The following SGCD variants were observed in gnomAD, a reference collection of about 807,000 sequenced individuals.
SGCD encodes the protein delta-sarcoglycan.
A neutral mutation model predicts 36.6 loss-of-function variants in SGCD; 18 were observed. The ratio of observed to expected loss-of-function variants is 0.49; its 90% CI spans 0.34 to 0.73. SGCD has a LOEUF of 0.73. Among genes scored for constraint, SGCD ranks in the 30% least tolerant of loss-of-function variants. The pLI is 0.01. For missense variants in SGCD, 387 were observed against 346.7 expected (o/e 1.12, Z -0.92); for synonymous variants, 133 against 130.6 (o/e 1.02, Z -0.12).
intron 3 of SGCD, among the ~76,000 whole-genome samples, chr5:156,403,364 A>T (rs1314006497): frequency 6.6e-6 from 1 of 152,166 alleles, no homozygotes; most frequent in Non-Finnish European, 1.5e-5. Flanking sequence ...GCGGTCTATT[A>T]AGGTTGAGCA....
intron 3 of SGCD, among the ~76,000 whole-genome samples, chr5:156,355,833 C>T (rs1255496405): frequency 4.6e-5 from 7 of 152,160 alleles, no homozygotes; most frequent in South Asian, 2.1e-4. Flanking sequence ...GATGGGGTTT[C>T]GCCATGCTGG....
intron 1 of SGCD, among the ~76,000 whole-genome samples, chr5:155,997,570 A>AT (rs1272797194): frequency 6.6e-6 from 1 of 152,234 alleles, no homozygotes; most frequent in Non-Finnish European, 1.5e-5. Flanking sequence ...TGGATGGGAC[A>AT]TTGTTCCTCT....
At chr5:156,400,939 T>A (rs765632421) in intron 3 of SGCD, among the ~76,000 whole-genome samples, 2 of 152,196 alleles carry the variant, frequency 1.3e-5, no homozygotes, top group Non-Finnish European at 2.9e-5. Flanking sequence ...AATGGCAGAG[T>A]GTCTGTAGGA....
intron 1 of SGCD, among the ~76,000 whole-genome samples, chr5:155,880,899 A>G (rs529893639): frequency 1.3e-5 from 2 of 152,154 alleles, no homozygotes; most frequent in East Asian, 3.9e-4. Flanking sequence ...TCAAAATTTT[A>G]CTTCCATTTG....
rs754437479 is a variant in SGCD at position 156,009,969 on chromosome 5, G to A, written c.-281-107909G>A. ...CAGTTTTCTTTGTAGACTCAAACACGTTTTGGCAAATTTTTCTCTTTAATG... is the reference window on the plus strand; with the variant it reads ...CAGTTTTCTTTGTAGACTCAAACACATTTTGGCAAATTTTTCTCTTTAATG... On this transcript the variant is annotated intron_variant, in intron 1 of 9. Coordinates refer to the SGCD transcript ENST00000517913. 2.6e-5 allele frequency among the ~76,000 whole-genome samples: 4 copies of A among 152,260 alleles called. No individual in the cohort carries two copies. The South Asian group carries it at 6.2e-4, about 24-fold the overall frequency.
At chr5:156,068,005 G>A (rs553240849) in intron 1 of SGCD, among the ~76,000 whole-genome samples, 1 of 151,460 alleles carries the variant, frequency 6.6e-6, no homozygotes, top group South Asian at 2.1e-4. Flanking sequence ...TCTTTCTTTA[G>A]AAATTTTGTT....
In SGCD at chr5:156,310,418, G is replaced by A. The variant is rs146507080; in HGVS notation, c.-43-19116G>A. Among the ~76,000 whole-genome samples the A allele has an allele frequency of 3.9e-5, 6 of 152,156 alleles. No homozygotes were observed. In the East Asian group the frequency reaches 5.8e-4, roughly 15 times the overall value. ...TTTGGAAGACAGGCTCCTTTTTGCC[G>A]GTCCTGGCTCCTGAAAGCTATGTGC... On this transcript the variant is annotated intron_variant, in intron 3 of 9. Transcript: ENST00000517913.
At chr5:155,900,132 A>G (rs1376778326) in intron 1 of SGCD, among the ~76,000 whole-genome samples, 2 of 152,170 alleles carry the variant, frequency 1.3e-5, no homozygotes, top group Non-Finnish European at 2.9e-5. Context: ...GATAATGATT[A>G]TATAGGCCAT....
chr5:156,551,753 G>A (rs1032557964), intron 4 of SGCD, among the ~76,000 whole-genome samples: 3 of 152,092 alleles, frequency 2.0e-5, no homozygotes, highest in Non-Finnish European at 2.9e-5. Context: ...ATGGTCTAGC[G>A]ATCCTGCTGT....
intron 1 of SGCD, among the ~76,000 whole-genome samples, chr5:156,098,639 TACACACAC>T: frequency 1.3e-5 from 2 of 149,402 alleles, no homozygotes; most frequent in South Asian, 2.1e-4. Context: ...TGCATGTGTA[TACACACAC>T]ACACACACAC....
chr5:156,744,981 G>A lies in SGCD; in HGVS notation c.576-12600G>A, dbSNP rs117207998. Among the ~76,000 whole-genome samples the A allele has an allele frequency of 3.6e-3, 549 of 152,288 alleles. 9 individuals carry two copies. Among genetic ancestry groups the A allele is most frequent in the East Asian group, 0.025 (129 of 5,182 alleles). ...TTCAACATTCAAGCCCTAAAGGAGC[G>A]TGAGAACACAGAGACATCAGCTGAT... On this transcript the variant is annotated intron_variant, in intron 7 of 8. Transcript: ENST00000337851.
chr5:156,152,428 G>C (rs1581132505), intron 3 of SGCD, among the ~76,000 whole-genome samples: 1 of 151,582 alleles, frequency 6.6e-6, no homozygotes, highest in Admixed American at 6.6e-5. Flanking sequence ...ATCTAGTACA[G>C]TAGCCACTGG....
intron 7 of SGCD, among the ~76,000 whole-genome samples, chr5:156,689,430 G>A (rs922901902): frequency 6.6e-6 from 1 of 152,122 alleles, no homozygotes; most frequent in Non-Finnish European, 1.5e-5. Flanking sequence ...AGAAAGGGCA[G>A]TACCATACCA....
chr5:156,159,253 A>G (rs1009482878), intron 3 of SGCD, among the ~76,000 whole-genome samples: 1 of 151,772 alleles, frequency 6.6e-6, no homozygotes, highest in African/African-American at 2.4e-5. Flanking sequence ...ATATAGTCAT[A>G]AGTAAAAGCT....
At chr5:156,288,120 A>T (rs1766662220) in intron 3 of SGCD, among the ~76,000 whole-genome samples, 1 of 152,216 alleles carries the variant, frequency 6.6e-6, no homozygotes, top group Non-Finnish European at 1.5e-5. Flanking sequence ...TTTTGAATGT[A>T]GGCATATGCC....
At chr5:156,596,756 G>T (rs1760941416) in intron 6 of SGCD, among the ~76,000 whole-genome samples, 2 of 151,608 alleles carry the variant, frequency 1.3e-5, no homozygotes, top group South Asian at 2.1e-4. Flanking sequence ...TTGAATTCTG[G>T]ATCTTCTTTA....
At chr5:156,162,710 C>A (rs1429317023) in intron 3 of SGCD, among the ~76,000 whole-genome samples, 1 of 151,696 alleles carries the variant, frequency 6.6e-6, no homozygotes, top group Admixed American at 6.6e-5. Flanking sequence ...AGATGGGAAG[C>A]TGTTTACTGT....
chr5:155,978,962 T>C (rs1758175043), intron 1 of SGCD, among the ~76,000 whole-genome samples: 1 of 152,164 alleles, frequency 6.6e-6, no homozygotes, highest in Non-Finnish European at 1.5e-5. Flanking sequence ...ACCAATTAGG[T>C]CATAAAGTTG....
At chr5:155,952,533 A>G (rs1757567876) in intron 1 of SGCD, among the ~76,000 whole-genome samples, 1 of 152,094 alleles carries the variant, frequency 6.6e-6, no homozygotes, top group Admixed American at 6.6e-5. Flanking sequence ...GGTCCAAAAG[A>G]CGTACCCTGT....
Sources: gnomAD v4.1 joint callset for allele counts (sites outside exome capture counted in the v4.1 genomes callset) on GRCh38, gnomAD v4.1.1 for gene constraint, MANE v1.5 for transcripts, NCBI Gene and HGNC (gene_info 2026-07-23, HGNC 2026-07-21) for gene names.